The following ACTN2 variants were observed in gnomAD, a reference collection of about 807,000 sequenced individuals.
ACTN2 encodes the protein actinin alpha 2, also known as alpha-actinin-2.
ACTN2 carries 39 observed loss-of-function variants against 113.8 expected under a neutral mutation model. The observed-to-expected ratio is 0.34, with a 90% confidence interval of 0.27 to 0.45. The LOEUF is 0.45. Among genes scored for constraint, ACTN2 ranks in the 20% least tolerant of loss-of-function variants. The probability of loss-of-function intolerance (pLI) is 1.00; values close to 1 mark genes in which losing one functional copy is unlikely to be tolerated. For missense variants in ACTN2, 992 were observed against 1,177.9 expected (o/e 0.84, Z 2.31); for synonymous variants, 429 against 444.1 (o/e 0.97, Z 0.43).
At chr1:236,741,322 G>A (rs1335397472) in intron 10 of ACTN2, among the ~76,000 whole-genome samples, 4 of 152,184 alleles carry the variant, frequency 2.6e-5, no homozygotes, top group East Asian at 1.9e-4. Context: ...TTATAGGCAT[G>A]AGCGAGCATG....
rs774295792 is a variant in ACTN2 at position 236,754,956 on chromosome 1, C to T, written c.1975-63C>T. 46 of 1,604,492 alleles carry T rather than the reference C, an allele frequency of 2.9e-5. No individual in the cohort carries two copies. The highest frequency in any genetic ancestry group is 3.7e-5 in the Non-Finnish European group (43 of 1,172,266). ...CAGGGTCTGGAACGGCGCCTCGTGC[C>T]GAGCTCCCTTAGAGGGCACTTCACT... On this transcript the variant is annotated intron_variant, in intron 16 of 20. Coordinates refer to ENST00000366578, the MANE Select transcript of ACTN2 (RefSeq NM_001103.4). The surrounding 1 kb of genome is among the most constrained non-coding windows in gnomAD (Gnocchi z 4.9).
chr1:236,730,674 GAAC>G (rs942050339), intron 6 of ACTN2, among the ~76,000 whole-genome samples: 5 of 152,030 alleles, frequency 3.3e-5, no homozygotes, highest in African/African-American at 1.2e-4. Context: ...GTAATTTTAA[GAAC>G]AAAATTTTTT....
At chr1:236,712,901 A>G (rs763470414) in intron 1 of ACTN2, among the ~76,000 whole-genome samples, 4 of 146,184 alleles carry the variant, frequency 2.7e-5, no homozygotes, top group African/African-American at 1.0e-4. Context: ...ATCTCATTAT[A>G]TGTTCTCTCC....
intron 4 of ACTN2, among the ~76,000 whole-genome samples, chr1:236,720,553 T>C (rs1658354757): frequency 6.6e-6 from 1 of 152,156 alleles, no homozygotes; most frequent in African/African-American, 2.4e-5. Context: ...AAAGAATCTG[T>C]TGCAACCCAT....
intron 7 of ACTN2, among the ~76,000 whole-genome samples, chr1:236,733,401 TC>T (rs564482659): frequency 2.0e-4 from 31 of 152,344 alleles, no homozygotes; most frequent in African/African-American, 7.2e-4. Context: ...TTTTCCTTAG[TC>T]TCTGAGTCCT....
intron 1 of ACTN2, among the ~76,000 whole-genome samples, chr1:236,712,801 T>A (rs1177010460): frequency 6.6e-6 from 1 of 152,182 alleles, no homozygotes; most frequent in Non-Finnish European, 1.5e-5. Context: ...TGAAGAGATT[T>A]AAATAACAGA....
At chr1:236,719,768 C>T (rs111438104) in intron 3 of ACTN2, among the ~76,000 whole-genome samples, 5,690 of 149,788 alleles carry the variant, frequency 0.038, 309 homozygotes, top group African/African-American at 0.12. Flanking sequence ...CACTGCACTG[C>T]GGCCTGGGCG....
chr1:236,739,136 C>T (rs1165990631), intron 9 of ACTN2, among the ~76,000 whole-genome samples, 166 bp from the exon 10 acceptor site: 1 of 152,010 alleles, frequency 6.6e-6, no homozygotes. Context: ...CGGCCATGGG[C>T]GGACACTGAA....
intron 20 of ACTN2, among the ~76,000 whole-genome samples, chr1:236,761,616 A>G (rs1659712046): frequency 6.6e-6 from 1 of 152,214 alleles, no homozygotes; most frequent in African/African-American, 2.4e-5. Flanking sequence ...AAAGTTAAAT[A>G]TAGCCGTTCA....
intron 3 of ACTN2, 109 bp downstream of exon 3, chr1:236,719,122 C>G (rs553114211): frequency 2.5e-5 from 37 of 1,495,928 alleles, no homozygotes; most frequent in African/African-American, 1.2e-4. Flanking sequence ...TTTACTGTAC[C>G]TGCCTTGTAT....
chr1:236,718,043 A>G, intron 2 of ACTN2, 71 bp downstream of exon 2: 2 of 1,228,776 alleles, frequency 1.6e-6, no homozygotes, highest in Non-Finnish European at 2.4e-6. Context: ...AAAGATGACT[A>G]CATCAGAAGT....
rs746440673 is a variant in ACTN2 at position 236,744,622 on chromosome 1, G to A, written c.1256-4G>A. On this transcript the variant is annotated splice_region_variant and splice_polypyrimidine_tract_variant and intron_variant, in intron 11 of 20. Transcript: ENST00000366578. ...TTCATACTTTCTTGCTACCACCTTTGCAGGCAAAGAGCAGATCTTGCTGCA... is the reference window on the plus strand; with the variant it reads ...TTCATACTTTCTTGCTACCACCTTTACAGGCAAAGAGCAGATCTTGCTGCA... 1.9e-6 allele frequency: 3 copies of A among 1,613,984 alleles called. No individual in the cohort carries two copies. Among genetic ancestry groups the A allele is most frequent in the African/African-American group, 1.3e-5 (1 of 74,936 alleles).
chr1:236,763,912 AC>A lies in ACTN2; in HGVS notation c.*1294del, dbSNP rs1033576710. 1 of 152,120 alleles carries A rather than the reference AC, an allele frequency of 6.6e-6. No homozygotes were observed. Among genetic ancestry groups the A allele is most frequent in the Non-Finnish European group, 1.5e-5 (1 of 68,014 alleles). 9.4% of individuals were successfully genotyped at this position (152,120 alleles called of 1,614,324 possible). A position where few individuals can be genotyped will look rare whatever the true frequency, so the allele number is the denominator to read the frequency against. On this transcript the variant is annotated 3_prime_UTR_variant, in exon 21 of 21. Coordinates refer to ENST00000366578, the MANE Select transcript of ACTN2 (RefSeq NM_001103.4). ...TCCCCCCTGTTTTTCCATCTTGTTG[AC>A]AGCTTGTAGAGAATAAAGCAGGAAT...
intron 1 of ACTN2, among the ~76,000 whole-genome samples, chr1:236,713,541 G>A (rs144822864): frequency 8.2e-4 from 124 of 151,918 alleles, no homozygotes; most frequent in African/African-American, 2.9e-3. Context: ...ATAGAACAAT[G>A]TATATCCTAT....
chr1:236,725,525 G>C (rs1658521487), intron 4 of ACTN2, among the ~76,000 whole-genome samples: 1 of 152,140 alleles, frequency 6.6e-6, no homozygotes, highest in Non-Finnish European at 1.5e-5. Flanking sequence ...TACTCGGGAG[G>C]CTGAGGCAGG....
chr1:236,725,869 A>G (rs998372779), intron 4 of ACTN2, 64 bp from the exon 5 acceptor site: 10 of 1,465,994 alleles, frequency 6.8e-6, no homozygotes, highest in Admixed American at 3.3e-5. Flanking sequence ...TTCAAAAGTG[A>G]CTAGGAGCTA....
intron 4 of ACTN2, among the ~76,000 whole-genome samples, chr1:236,725,637 A>T (rs919152082): frequency 1.1e-3 from 3 of 2,674 alleles, no homozygotes; most frequent in African/African-American, 1.3e-3. Context: ...AAAAAAAATT[A>T]AAAAAAGTAT....
chr1:236,742,756 G>C, intron 10 of ACTN2, 140 bp from the exon 11 acceptor site: 1 of 984,104 alleles, frequency 1.0e-6, no homozygotes, highest in Non-Finnish European at 1.6e-6. Flanking sequence ...TATTGAGGTG[G>C]GGGGTAAGGA....
At chr1:236,703,505 G>T (rs191822697) in intron 1 of ACTN2, among the ~76,000 whole-genome samples, 13 of 108,776 alleles carry the variant, frequency 1.2e-4, no homozygotes, top group African/African-American at 4.7e-4. Context: ...AAGATAATTT[G>T]ATTTGGTTAG....
Sources: gnomAD v4.1 joint callset for allele counts (sites outside exome capture counted in the v4.1 genomes callset) on GRCh38, gnomAD v4.1.1 for gene constraint, Gnocchi (gnomAD v3.1) non-coding constraint, MANE v1.5 for transcripts, NCBI Gene and HGNC (gene_info 2026-07-23, HGNC 2026-07-21) for gene names.